Variants in ARFGEF2 observed in about 807,000 individuals in gnomAD.
ARFGEF2 encodes brefeldin A-inhibited guanine nucleotide-exchange protein 2.
A neutral mutation model predicts 219.9 loss-of-function variants in ARFGEF2; 74 were observed. The ratio of observed to expected loss-of-function variants is 0.34; its 90% confidence interval spans 0.28 to 0.41. The LOEUF (loss-of-function observed/expected upper bound fraction) is 0.41. Ranked by LOEUF, ARFGEF2 falls within the 10% of genes least tolerant of loss-of-function variation. The pLI is 1.00. For missense variants in ARFGEF2, 1,743 were observed against 2,218.3 expected, an observed-to-expected ratio of 0.79 and a Z score of 4.30; for synonymous variants, 733 against 799.2, an observed-to-expected ratio of 0.92 and a Z score of 1.40.
At position 48,988,312 on chromosome 20, in the gene ARFGEF2, T is replaced by C. The variant is rs2123459279; in HGVS notation, c.2285T>C (p.Leu762Pro). 1 of 1,613,276 alleles carries C rather than the reference T, an allele frequency of 6.2e-7. No homozygotes were observed. The highest frequency in any genetic ancestry group is 1.1e-5 in the South Asian group (1 of 91,072). ...RYIECNQGQT[L>P]FASADTAYVL... is the part of the protein sequence containing the mutation. ...CGAATTTTTTTCTCCAGGCAAACTCTGTTTGCTAGTGCTGACACTGCTTAT... is the reference window on the plus strand; with the variant it reads ...CGAATTTTTTTCTCCAGGCAAACTCCGTTTGCTAGTGCTGACACTGCTTAT... Residue 762 changes from leucine (L) to proline (P), a missense_variant, in exon 17 of 39, where the codon CTG (leucine) becomes CCG (proline). Transcript: ENST00000371917.
intron 14 of ARFGEF2, among the ~76,000 whole-genome samples, chr20:48,981,294 T>A (rs1000911637): frequency 2.4e-4 from 36 of 152,258 alleles, no homozygotes; most frequent in African/African-American, 7.5e-4. Flanking sequence ...TCTTTAAGAA[T>A]GTTGAATATT....
intron 4 of ARFGEF2, 113 bp downstream of exon 4, chr20:48,951,582 CAG>C: frequency 7.1e-7 from 1 of 1,415,320 alleles, no homozygotes; most frequent in Non-Finnish European, 9.9e-7. Flanking sequence ...TGAGGTGGAA[CAG>C]AAAGATTTAA....
intron 20 of ARFGEF2, among the ~76,000 whole-genome samples, chr20:48,989,989 A>C (rs2091348079): frequency 6.6e-6 from 1 of 152,110 alleles, no homozygotes; most frequent in Non-Finnish European, 1.5e-5. Flanking sequence ...AGACCAGCCT[A>C]ACCAACATGG....
chr20:49,023,607 C>T lies in ARFGEF2; in HGVS notation c.4755+426C>T, dbSNP rs945882223. On this transcript the variant is annotated intron_variant, in intron 35 of 38. Transcript: ENST00000371917. The stretch of plus-strand genomic sequence containing the variant: ...AGGCTGGAGTGCAGTGGCGCGATCT[C>T]GGCTCACTGCAAGCTCCGCCTCCTG... 1.9e-3 allele frequency among the ~76,000 whole-genome samples: 279 copies of T among 149,916 alleles called. 1 individual carries two copies. Among genetic ancestry groups the T allele is most frequent in the African/African-American group, 6.4e-3 (262 of 40,876 alleles).
chr20:48,998,006 C>T (rs1037205508), intron 23 of ARFGEF2, 187 bp from the exon 24 acceptor site: 5 of 590,278 alleles, frequency 8.5e-6, no homozygotes, highest in East Asian at 6.3e-5. Flanking sequence ...TACAGGTGCC[C>T]GCCACCACGC....
Position 48,971,348 on chromosome 20 carries a change from G to T in ARFGEF2, c.1419G>T (p.Gln473His). ...ACTTTAAAATGCACTTGAAAATGCA[G>T]ATAGAGGTACGGATTCCAAAGTTTT... Reference protein sequence around the residue: ...LSNFKMHLKMQIEVFFKEIFL... With the variant: ...LSNFKMHLKMHIEVFFKEIFL... The change falls in exon 10 of 39, where the codon CAG becomes CAT. Residue 473 changes from glutamine to histidine, a missense_variant. Gln to His is a conservative substitution (Grantham distance 24). Transcript: ENST00000371917. 6.2e-7 allele frequency: 1 copy of T among 1,613,434 alleles called. No individual in the cohort carries two copies. Among genetic ancestry groups the T allele is most frequent in the Non-Finnish European group, 8.5e-7 (1 of 1,179,404 alleles).
chr20:48,962,831 T>C (rs978501040), intron 6 of ARFGEF2, among the ~76,000 whole-genome samples: 3 of 152,180 alleles, frequency 2.0e-5, no homozygotes, highest in African/African-American at 7.2e-5. Context: ...GGTTGAAAAT[T>C]CTCATTAATA....
At chr20:48,996,025 G>C (rs141474278) in intron 23 of ARFGEF2, 143 bp downstream of exon 23, 470 of 750,850 alleles carry the variant, frequency 6.3e-4, no homozygotes, top group African/African-American at 6.2e-3. Flanking sequence ...ACATTTATTT[G>C]CATTTTGACC....
intron 26 of ARFGEF2, among the ~76,000 whole-genome samples, chr20:49,006,361 C>G (rs1451977518): frequency 6.6e-6 from 1 of 151,906 alleles, no homozygotes; most frequent in Non-Finnish European, 1.5e-5. Context: ...ATAGTTGCAC[C>G]TGGGTGTGAT....
intron 13 of ARFGEF2, 46 bp from the exon 14 acceptor site, chr20:48,975,970 T>C (rs1568716221): frequency 1.9e-6 from 3 of 1,607,774 alleles, no homozygotes; most frequent in Non-Finnish European, 2.6e-6. Flanking sequence ...GCTGTGTCTG[T>C]GTCCCACTTG....
chr20:49,004,131 C>T (rs1294449300), intron 25 of ARFGEF2, among the ~76,000 whole-genome samples: 3 of 152,114 alleles, frequency 2.0e-5, no homozygotes, highest in South Asian at 4.1e-4. Context: ...TTGATTGAGG[C>T]GGCCTGATCA....
chr20:49,035,062 CTG>C lies in ARFGEF2; in HGVS notation c.*1864_*1865del, dbSNP rs1344910557. On this transcript the variant is annotated 3_prime_UTR_variant, in exon 39 of 39. Coordinates refer to ENST00000371917, the MANE Select transcript of ARFGEF2 (RefSeq NM_006420.3). Reference sequence around the variant, plus strand: ...CACTGCACCATGAAACCTACACTCCCTGGTATCATAGCGCGTCATCACCTCAA... The same window carrying C: ...CACTGCACCATGAAACCTACACTCCCGTATCATAGCGCGTCATCACCTCAA... 1 of 152,186 alleles carries C rather than the reference CTG, an allele frequency of 6.6e-6. No individual in the cohort carries two copies. 9.4% of individuals were successfully genotyped at this position (152,186 alleles called of 1,614,324 possible).
intron 1 of ARFGEF2, among the ~76,000 whole-genome samples, chr20:48,923,088 G>A (rs2090853704): frequency 6.6e-6 from 1 of 152,078 alleles, no homozygotes; most frequent in South Asian, 2.1e-4. Context: ...TTCCAAGAGG[G>A]TGACACTTGA....
intron 3 of ARFGEF2, among the ~76,000 whole-genome samples, chr20:48,944,182 G>T (rs2091011051): frequency 6.6e-6 from 1 of 152,190 alleles, no homozygotes; most frequent in South Asian, 2.1e-4. Flanking sequence ...TAAATGGCAG[G>T]CTTCAGTCCT....
intron 34 of ARFGEF2, among the ~76,000 whole-genome samples, chr20:49,020,438 T>A (rs990193264): frequency 6.6e-6 from 1 of 152,164 alleles, no homozygotes; most frequent in Non-Finnish European, 1.5e-5. Flanking sequence ...GATAGAATGA[T>A]ACCTTTTTCA....
chr20:48,972,289 G>C, intron 10 of ARFGEF2, 37 bp from the exon 11 acceptor site: 2 of 1,475,896 alleles, frequency 1.4e-6, no homozygotes, highest in Non-Finnish European at 1.9e-6. Flanking sequence ...GGTTGAAACT[G>C]TTAATTAGTG....
At chr20:48,989,137 A>T in intron 18 of ARFGEF2, 148 bp from the exon 19 acceptor site, 2 of 954,090 alleles carry the variant, frequency 2.1e-6, no homozygotes, top group Non-Finnish European at 3.2e-6. Context: ...TCCCATCTGT[A>T]AAATGGTAAT....
At chr20:48,950,890 G>A (rs1179806253) in intron 3 of ARFGEF2, among the ~76,000 whole-genome samples, 1 of 137,226 alleles carries the variant, frequency 7.3e-6, no homozygotes, top group African/African-American at 2.7e-5. Flanking sequence ...ACAAAATTTT[G>A]TGATTTTTAG....
At chr20:48,999,995 A>G (rs941287400) in intron 25 of ARFGEF2, among the ~76,000 whole-genome samples, 2 of 152,218 alleles carry the variant, frequency 1.3e-5, no homozygotes, top group Admixed American at 6.5e-5. Flanking sequence ...CCATTGGGGT[A>G]TAGAATAATC....
Sources: allele counts gnomAD v4.1 joint callset (sites outside exome capture counted in the v4.1 genomes callset), GRCh38; gene constraint gnomAD v4.1.1; transcripts MANE v1.5; gene names NCBI Gene and HGNC (gene_info 2026-07-23, HGNC 2026-07-21).